CDCA2: variants seen among roughly 807,000 people sequenced by gnomAD.
CDCA2 encodes the protein cell division cycle-associated protein 2.
A neutral mutation model predicts 67.0 loss-of-function variants in CDCA2; 44 were observed. That is an observed-to-expected ratio of 0.66 (90% CI 0.52 to 0.84). The LOEUF is 0.84. CDCA2 is among the 40% of genes least tolerant of loss of function. The probability of loss-of-function intolerance (pLI) is 0.00; values close to 1 mark genes in which losing one functional copy is unlikely to be tolerated. For synonymous variants in CDCA2, 447 were observed against 418.7 expected (o/e 1.07, Z -0.82); for missense variants, 1,253 against 1,203.2 (o/e 1.04, Z -0.61).
chr8:25,467,813 T>A (rs1032323831), intron 5 of CDCA2, among the ~76,000 whole-genome samples: 1 of 152,028 alleles, frequency 6.6e-6, no homozygotes, highest in Non-Finnish European at 1.5e-5. Context: ...AGCACTAGAT[T>A]TTACTAAAAT....
At chr8:25,500,727 G>T (rs1804439888) in intron 13 of CDCA2, among the ~76,000 whole-genome samples, 1 of 152,144 alleles carries the variant, frequency 6.6e-6, no homozygotes, top group South Asian at 2.1e-4. Flanking sequence ...TAATGGAAAA[G>T]AATTTGAAAG....
chr8:25,506,102 C>G (rs893875521), intron 14 of CDCA2, among the ~76,000 whole-genome samples: 1 of 152,122 alleles, frequency 6.6e-6, no homozygotes, highest in South Asian at 2.1e-4. Context: ...TCCCCTGTTT[C>G]GGAGGATACA....
chr8:25,502,895 C>T (rs893355224), intron 13 of CDCA2, among the ~76,000 whole-genome samples: 5 of 152,084 alleles, frequency 3.3e-5, no homozygotes, highest in African/African-American at 1.2e-4. Context: ...TGACTTCCTA[C>T]CCTCGATTTA....
intron 11 of CDCA2, among the ~76,000 whole-genome samples, chr8:25,486,545 G>T (rs772118739): frequency 6.6e-6 from 1 of 151,852 alleles, no homozygotes; most frequent in African/African-American, 2.4e-5. Flanking sequence ...GCTCATGCCT[G>T]TAATCCCTTT....
intron 8 of CDCA2, 80 bp from the exon 9 acceptor site, chr8:25,483,319 A>G: frequency 2.4e-6 from 2 of 836,946 alleles, no homozygotes; most frequent in Non-Finnish European, 3.6e-6. Flanking sequence ...TTGACAGAGA[A>G]TTTCAAAACT....
At chr8:25,492,134 T>TGG (rs371919113) in intron 13 of CDCA2, among the ~76,000 whole-genome samples, 7 of 138,534 alleles carry the variant, frequency 5.1e-5, no homozygotes, top group African/African-American at 8.8e-5. Context: ...AGCGGGGGGT[T>TGG]GGGGGGTCTC....
At chr8:25,470,077 T>G in intron 7 of CDCA2, 97 bp downstream of exon 7, 1 of 766,604 alleles carries the variant, frequency 1.3e-6, no homozygotes, top group Non-Finnish European at 2.1e-6. Flanking sequence ...ACTGAAATTG[T>G]TTCCTACTTT....
intron 8 of CDCA2, among the ~76,000 whole-genome samples, chr8:25,480,329 A>G (rs1803520185): frequency 6.6e-6 from 1 of 152,188 alleles, no homozygotes; most frequent in Admixed American, 6.5e-5. Context: ...TAAGTATCGT[A>G]TATAGCATGC....
rs1270868563 is a variant in CDCA2 at position 25,468,298 on chromosome 8, A to G, written c.620A>G (p.Gln207Arg). 3.7e-6 allele frequency: 6 copies of G among 1,613,920 alleles called. No homozygotes were observed. Among genetic ancestry groups the G allele is most frequent in the Non-Finnish European group, 5.1e-6 (6 of 1,179,940 alleles). Residue 207 changes from glutamine to arginine, a missense_variant, in exon 6 of 15, where the codon CAG becomes CGG. Gln to Arg is a conservative substitution (Grantham distance 43, BLOSUM62 1). Transcript: ENST00000330560. ...TCCAAACGTCGGAGAATATCCTATC[A>G]GAGAGACTCTGATGAAAATCTGACG... ...LSSKRRRISY[Q>R]RDSDENLTDA...
At chr8:25,490,095 T>C (rs983992801) in intron 13 of CDCA2, among the ~76,000 whole-genome samples, 15 of 152,178 alleles carry the variant, frequency 9.9e-5, no homozygotes, top group Non-Finnish European at 1.5e-4. Context: ...AGTTCCTTTT[T>C]AGGTCACACA....
At position 25,460,506 on chromosome 8, in the gene CDCA2, G is replaced by A. The variant is rs116632586; in HGVS notation, c.184G>A (p.Val62Ile). 90 of 1,614,160 alleles carry A rather than the reference G, an allele frequency of 5.6e-5. No individual in the cohort carries two copies. The African/African-American group carries it at 9.6e-4, about 17-fold the overall frequency. ...ACCTTTGAACTTTTCCACAGTAACC[G>A]TAGAGCAATTGGGAATTACACCTGA... ...KSPLNFSTVTVEQLGITPESF... is the reference protein window; with the variant it reads ...KSPLNFSTVTIEQLGITPESF... The change falls in exon 3 of 15, where the codon GTA becomes ATA. Residue 62 changes from valine to isoleucine, a missense_variant. By Grantham distance (29) the Val-to-Ile change is conservative (BLOSUM62 3). Coordinates refer to ENST00000330560, the MANE Select transcript of CDCA2 (RefSeq NM_152562.4).
At chr8:25,479,699 G>A (rs879463487) in intron 7 of CDCA2, 44 of 556,570 alleles carry the variant, frequency 7.9e-5, no homozygotes, top group Non-Finnish European at 1.3e-4. Context: ...TTTACCCTTC[G>A]TAGTCCGATT....
In CDCA2 at chr8:25,483,428, T is replaced by C. The variant is rs771078018; in HGVS notation, c.1062T>C (p.Asp354=). 1.2e-6 allele frequency: 2 copies of C among 1,610,796 alleles called. No homozygotes were observed. The highest frequency in any genetic ancestry group is 2.7e-5 in the African/African-American group (2 of 74,902). ...QEHCNNLYDD[D]GTHPSLISNL... Reference sequence around the variant, plus strand: ...ACTGTAACAACCTCTATGATGATGATGGGACTCATCCGAGCTTAATCTCAA... The same window carrying C: ...ACTGTAACAACCTCTATGATGATGACGGGACTCATCCGAGCTTAATCTCAA... The change falls in exon 9 of 15, where the codon GAT becomes GAC. Residue 354 remains aspartate (D), a synonymous_variant. Coordinates refer to ENST00000330560, the MANE Select transcript of CDCA2 (RefSeq NM_152562.4).
chr8:25,481,456 C>G (rs1174359135), intron 8 of CDCA2, among the ~76,000 whole-genome samples: 2 of 151,886 alleles, frequency 1.3e-5, no homozygotes, highest in Non-Finnish European at 2.9e-5. Flanking sequence ...TTTGGGAGGC[C>G]GAGGCAGGTG....
chr8:25,477,917 C>G (rs1370262292), intron 7 of CDCA2, among the ~76,000 whole-genome samples: 2 of 151,154 alleles, frequency 1.3e-5, no homozygotes, highest in South Asian at 2.1e-4. Context: ...TGATACCTTT[C>G]TTTTTCTTTT....
At chr8:25,494,865 A>G (rs1177086513) in intron 13 of CDCA2, among the ~76,000 whole-genome samples, 2 of 152,084 alleles carry the variant, frequency 1.3e-5, no homozygotes, top group Non-Finnish European at 2.9e-5. Context: ...ACATAAGGAC[A>G]CCAGGGACGA....
chr8:25,481,412 C>G (rs1425930665), intron 8 of CDCA2, among the ~76,000 whole-genome samples: 1 of 152,086 alleles, frequency 6.6e-6, no homozygotes, highest in Admixed American at 6.6e-5. Context: ...TACAACTGGC[C>G]GGGCGTGGTG....
At chr8:25,471,893 A>G (rs1285502860) in intron 7 of CDCA2, among the ~76,000 whole-genome samples, 3 of 152,234 alleles carry the variant, frequency 2.0e-5, no homozygotes, top group Admixed American at 6.5e-5. Context: ...TAGATCTACC[A>G]TAGTAGATGG....
chr8:25,475,518 A>G (rs1563266817), intron 7 of CDCA2, among the ~76,000 whole-genome samples: 1 of 152,178 alleles, frequency 6.6e-6, no homozygotes, highest in Non-Finnish European at 1.5e-5. Context: ...CTCCATCTCA[A>G]ACAAAGGAAT....
Sources: gnomAD v4.1 joint callset for allele counts (sites outside exome capture counted in the v4.1 genomes callset) on GRCh38, gnomAD v4.1.1 for gene constraint, MANE v1.5 for transcripts, NCBI Gene and HGNC (gene_info 2026-07-23, HGNC 2026-07-21) for gene names.